Variants in ZBED6 observed in about 807,000 individuals in gnomAD.
ZBED6 encodes the protein zinc finger BED-type containing 6, also known as zinc finger BED domain-containing protein 6.
In ZBED6, 40 loss-of-function variants were observed where a neutral mutation model predicts 58.4. The ratio of observed to expected loss-of-function variants is 0.68; its 90% CI spans 0.53 to 0.89. ZBED6 has a LOEUF of 0.89. Ranked by LOEUF, ZBED6 falls within the 40% of genes least tolerant of loss-of-function variation. The probability of loss-of-function intolerance (pLI) is 0.00; values close to 1 mark genes in which losing one functional copy is unlikely to be tolerated. For missense variants in ZBED6, 1,057 were observed against 1,003.9 expected (o/e 1.05, Z -0.71); for synonymous variants, 439 against 350.6 (o/e 1.25, Z -2.82).
At chr1:203,849,592 TTC>T (rs2103441407) in intron 13 of ZBED6, 117 bp from the exon 14 acceptor site, 1 of 953,576 alleles carries the variant, frequency 1.0e-6, no homozygotes, top group East Asian at 2.4e-5. Flanking sequence ...TAAAGAGCTT[TTC>T]TCTCAGATTC....
intron 9 of ZBED6, chr1:203,835,801 C>T (rs949169457): frequency 2.5e-5 from 6 of 242,322 alleles, no homozygotes; most frequent in Non-Finnish European, 5.5e-5. Flanking sequence ...AATTTTGTTT[C>T]ATCTGGGGCA....
intron 1 of ZBED6, among the ~76,000 whole-genome samples, chr1:203,813,404 A>C (rs1675189824): frequency 6.6e-6 from 1 of 151,996 alleles, no homozygotes; most frequent in African/African-American, 2.4e-5. Context: ...AAACCAATTT[A>C]TTGGTTTTCT....
intron 9 of ZBED6, among the ~76,000 whole-genome samples, chr1:203,836,247 T>C (rs560620723): frequency 5.3e-5 from 8 of 152,302 alleles, no homozygotes; most frequent in African/African-American, 1.4e-4. Context: ...TCTTAAAATA[T>C]AGAAATGAGC....
intron 3 of ZBED6, among the ~76,000 whole-genome samples, chr1:203,821,189 T>TTTGCTCGCGCTCTC (rs1243021190): frequency 6.6e-6 from 1 of 152,156 alleles, no homozygotes; most frequent in East Asian, 1.9e-4. Flanking sequence ...TGGGACTCCC[T>TTTGCTCGCGCTCTC]TTGCTCGCGC....
intron 3 of ZBED6, among the ~76,000 whole-genome samples, chr1:203,822,838 A>G (rs1412682748): frequency 6.6e-6 from 1 of 152,066 alleles, no homozygotes; most frequent in Non-Finnish European, 1.5e-5. Context: ...CTGGGCCACC[A>G]TGTCCTTCCC....
At chr1:203,837,458 T>TTC (rs1387449457) in intron 9 of ZBED6, among the ~76,000 whole-genome samples, 42 of 151,944 alleles carry the variant, frequency 2.8e-4, no homozygotes, top group Non-Finnish European at 1.5e-5. Flanking sequence ...GTCTCTCTTT[T>TTC]TTTTTTTTTC....
At chr1:203,804,443 C>T (rs371065207) in intron 1 of ZBED6, among the ~76,000 whole-genome samples, 6 of 152,112 alleles carry the variant, frequency 3.9e-5, no homozygotes, top group Admixed American at 2.0e-4. Flanking sequence ...TGAGCCACCA[C>T]GCCCGGCCCT....
At chr1:203,816,586 A>C (rs1479951175) in intron 1 of ZBED6, among the ~76,000 whole-genome samples, 1 of 152,162 alleles carries the variant, frequency 6.6e-6, no homozygotes. Flanking sequence ...AGCTGTGATC[A>C]CATCATTGCA....
At chr1:203,850,644 G>A (rs536197711) in exon 15 of ZBED6, 2 of 1,614,182 alleles carry the variant, frequency 1.2e-6, no homozygotes, top group African/African-American at 2.7e-5. Context: ...AGCTCCAGCA[G>A]TGTCCTACAG....
At chr1:203,805,672 G>A in intron 1 of ZBED6, 1 of 696,368 alleles carries the variant, frequency 1.4e-6, no homozygotes, top group South Asian at 1.3e-5. Context: ...CTCCATCCTT[G>A]TTTTTGTGAC....
At chr1:203,799,849 A>C (rs762909470) in exon 1 of ZBED6, 1 of 1,530,696 alleles carries the variant, frequency 6.5e-7, no homozygotes, top group South Asian at 1.2e-5. Flanking sequence ...TGCTTTAAAA[A>C]CAGTTTGGAA....
At position 203,807,205 on chromosome 1, in the gene ZBED6, A is replaced by G. The variant is rs370746196; in HGVS notation, c.*2554+4189A>G. Among the ~76,000 whole-genome samples, 8 of 152,284 alleles carry G rather than the reference A, an allele frequency of 5.3e-5. No homozygotes were observed. In the East Asian group the frequency reaches 9.6e-4, roughly 18 times the overall value. ...ACTATTTTAATATACAGCTGGTTCAATTTGCTAATGCTTTATTTAGGATTT... is the reference window on the plus strand; with the variant it reads ...ACTATTTTAATATACAGCTGGTTCAGTTTGCTAATGCTTTATTTAGGATTT... On this transcript the variant is annotated intron_variant, in intron 1 of 16. Coordinates refer to ENST00000550078, the Ensembl canonical transcript of ZBED6.
intron 11 of ZBED6, among the ~76,000 whole-genome samples, chr1:203,846,474 A>G (rs1687941554): frequency 6.6e-6 from 1 of 152,160 alleles, no homozygotes; most frequent in Non-Finnish European, 1.5e-5. Context: ...CCTTGTAGAC[A>G]AGTGTAGGTG....
intron 1 of ZBED6, among the ~76,000 whole-genome samples, chr1:203,809,169 A>G (rs971985230): frequency 1.1e-5 from 1 of 94,966 alleles, no homozygotes. Context: ...TTTTCTTCTC[A>G]CTGTTTTTTT....
chr1:203,843,123 C>G (rs1373664310), intron 11 of ZBED6, among the ~76,000 whole-genome samples: 2 of 152,048 alleles, frequency 1.3e-5, no homozygotes, highest in Non-Finnish European at 2.9e-5. Flanking sequence ...TGTATGCAAC[C>G]TGAATTATTC....
intron 11 of ZBED6, among the ~76,000 whole-genome samples, chr1:203,842,688 A>G (rs115513034): frequency 0.01 from 1,573 of 150,304 alleles, 35 homozygotes; most frequent in African/African-American, 0.037. Context: ...AGAAACATGC[A>G]TATGTATGAG....
At chr1:203,830,365 C>G (rs1419678850) in intron 7 of ZBED6, among the ~76,000 whole-genome samples, 162 bp downstream of exon 7, 2 of 152,190 alleles carry the variant, frequency 1.3e-5, no homozygotes, top group Non-Finnish European at 2.9e-5. Context: ...TTTTAATTCA[C>G]TGCAGCTGTG....
intron 13 of ZBED6, among the ~76,000 whole-genome samples, chr1:203,848,776 C>T (rs1034622613): frequency 6.6e-6 from 1 of 151,976 alleles, no homozygotes; most frequent in African/African-American, 2.4e-5. Context: ...TTTTTTTTAA[C>T]TGAGTTTTTT....
intron 11 of ZBED6, among the ~76,000 whole-genome samples, chr1:203,846,116 A>C (rs899568586): frequency 2.0e-4 from 20 of 99,522 alleles, no homozygotes; most frequent in Non-Finnish European, 2.8e-4. Context: ...CGTCTTTACC[A>C]AAAAAAAAAA....
Sources: allele counts gnomAD v4.1 joint callset (sites outside exome capture counted in the v4.1 genomes callset), GRCh38; gene constraint gnomAD v4.1.1; transcripts MANE v1.5; gene names NCBI Gene and HGNC (gene_info 2026-07-23, HGNC 2026-07-21).